The following NCOA2 variants were observed in gnomAD, a reference collection of about 807,000 sequenced individuals.
The protein encoded by NCOA2 is class E basic helix-loop-helix protein 75.
A neutral mutation model predicts 145.1 loss-of-function variants in NCOA2; 21 were observed. That is an observed-to-expected ratio of 0.14 (90% confidence interval 0.10 to 0.21). The LOEUF (loss-of-function observed/expected upper bound fraction) is 0.21, where lower values mean the gene tolerates loss of function less well. Ranked by LOEUF, NCOA2 falls within the 10% of genes least tolerant of loss-of-function variation. NCOA2 has a pLI of 1.00. For missense variants in NCOA2, 1,472 were observed against 1,837.6 expected (o/e 0.80, Z 3.64); for synonymous variants, 619 against 637.5 (o/e 0.97, Z 0.44).
chr8:70,368,683 A>G (rs958458689), intron 1 of NCOA2, among the ~76,000 whole-genome samples: 3 of 152,212 alleles, frequency 2.0e-5, no homozygotes, highest in African/African-American at 7.2e-5. Context: ...GTATTTATAT[A>G]AAAATTCACT....
At chr8:70,427,141 G>A in the NCOA2 span, among the ~76,000 whole-genome samples, 5 of 151,994 alleles carry the variant, frequency 3.3e-5, no homozygotes, top group East Asian at 9.6e-4. Flanking sequence ...TATTCAGTAT[G>A]TATTATATTC....
chr8:70,380,295 C>T (rs1040965919), intron 1 of NCOA2, among the ~76,000 whole-genome samples: 2 of 152,078 alleles, frequency 1.3e-5, no homozygotes, highest in African/African-American at 4.8e-5. Context: ...AAGATGAGAT[C>T]CTACTAGGTT....
At chr8:70,348,737 C>T (rs1586563877) in intron 1 of NCOA2, among the ~76,000 whole-genome samples, 1 of 152,148 alleles carries the variant, frequency 6.6e-6, no homozygotes, top group East Asian at 1.9e-4. Flanking sequence ...TAATAGAAAC[C>T]AGGAAATTTG....
chr8:70,132,130 C>T, intron 15 of NCOA2, 128 bp from the exon 16 acceptor site: 1 of 876,614 alleles, frequency 1.1e-6, no homozygotes, highest in Non-Finnish European at 1.7e-6. Context: ...TGTACCAACT[C>T]AACACAGAAC....
chr8:70,254,082 A>G (rs1450127006), intron 2 of NCOA2, among the ~76,000 whole-genome samples: 1 of 152,190 alleles, frequency 6.6e-6, no homozygotes, highest in African/African-American at 2.4e-5. Flanking sequence ...CTGGCAAAGG[A>G]CTTGAATACA....
At chr8:70,281,330 T>G (rs1441660250) in intron 2 of NCOA2, among the ~76,000 whole-genome samples, 2 of 119,958 alleles carry the variant, frequency 1.7e-5, no homozygotes, top group African/African-American at 6.6e-5. Flanking sequence ...TATTCCAGCC[T>G]GGGTGACAGA....
chr8:70,376,472 T>C (rs1000603540), intron 1 of NCOA2, among the ~76,000 whole-genome samples: 3 of 152,156 alleles, frequency 2.0e-5, no homozygotes, highest in Non-Finnish European at 2.9e-5. Context: ...TTCTCTAGTT[T>C]TGTTTTGTTT....
At position 70,294,107 on chromosome 8, in the gene NCOA2, G is replaced by A. The variant is rs535893742; in HGVS notation, c.-20+2637C>T. ...ATTTTTACATAGTATGTCCTACTCA[G>A]CTTTGAAAATAAACTAAGTAAGAGA... is the stretch of plus-strand genomic sequence containing the variant. On this transcript the variant is annotated intron_variant, in intron 2 of 22. Coordinates refer to ENST00000452400, the MANE Select transcript of NCOA2 (RefSeq NM_006540.4). 1.8e-4 allele frequency among the ~76,000 whole-genome samples: 27 copies of A among 152,146 alleles called. 1 individual carries two copies. Among genetic ancestry groups the A allele is most frequent in the Non-Finnish European group, 3.5e-4 (24 of 67,978 alleles).
At chr8:70,172,205 A>G (rs529740005) in intron 5 of NCOA2, among the ~76,000 whole-genome samples, 76 of 152,216 alleles carry the variant, frequency 5.0e-4, no homozygotes, top group African/African-American at 1.7e-3. Flanking sequence ...TGATCCTCCC[A>G]CCACTCTGTA....
chr8:70,194,751 G>C (rs1311709486), intron 4 of NCOA2, among the ~76,000 whole-genome samples: 1 of 149,978 alleles, frequency 6.7e-6, no homozygotes, highest in African/African-American at 2.5e-5. Context: ...TCTGAAATAG[G>C]GATCTGCAAA....
chr8:70,416,074 C>T, the NCOA2 span, among the ~76,000 whole-genome samples: 15 of 152,054 alleles, frequency 9.9e-5, no homozygotes, highest in Non-Finnish European at 2.1e-4. Context: ...ACTTGAAAGT[C>T]CAAACTTTGC....
chr8:70,160,690 A>AGAGG (rs1252844192), intron 9 of NCOA2, among the ~76,000 whole-genome samples: 1 of 148,444 alleles, frequency 6.7e-6, no homozygotes, highest in East Asian at 1.9e-4. Flanking sequence ...AGGGAGAGAG[A>AGAGG]GAGAGAGAGA....
the NCOA2 span, among the ~76,000 whole-genome samples, chr8:70,449,298 C>T: frequency 6.6e-6 from 1 of 152,194 alleles, no homozygotes; most frequent in Non-Finnish European, 1.5e-5. Flanking sequence ...TCCACAAATA[C>T]TTGTTAAGCA....
rs1257917126 is a variant in NCOA2, at chr8:70,403,769, C to G, written c.-146G>C. The G allele has an allele frequency of 3.0e-5, 12 of 397,838 alleles. No individual in the cohort carries two copies. The highest frequency in any genetic ancestry group is 5.3e-5 in the Non-Finnish European group (12 of 225,630). The allele number at this position is 397,838 out of a possible 1,614,324, so 24.6% of individuals were successfully genotyped here. A position where few individuals can be genotyped will look rare whatever the true frequency, so the allele number is the denominator to read the frequency against. ...CTGACCTTCGCCGCCGAAGCTGTAG[C>G]CGAGGCTGCGGCCGCCATGTTCCCG... On this transcript the variant is annotated 5_prime_UTR_variant, in exon 1 of 23. Coordinates refer to ENST00000452400, the MANE Select transcript of NCOA2 (RefSeq NM_006540.4).
At chr8:70,331,287 TA>T (rs1304723657) in intron 1 of NCOA2, among the ~76,000 whole-genome samples, 2 of 152,050 alleles carry the variant, frequency 1.3e-5, no homozygotes, top group African/African-American at 4.8e-5. Flanking sequence ...AACAACACAA[TA>T]GAGTATAGCA....
chr8:70,428,205 G>C, the NCOA2 span, among the ~76,000 whole-genome samples: 3 of 151,782 alleles, frequency 2.0e-5, no homozygotes, highest in Non-Finnish European at 4.4e-5. Context: ...TATAATCCCA[G>C]TGCTTTGAGA....
At chr8:70,341,363 G>A (rs1289525634) in intron 1 of NCOA2, among the ~76,000 whole-genome samples, 1 of 152,148 alleles carries the variant, frequency 6.6e-6, no homozygotes, top group Admixed American at 6.5e-5. Flanking sequence ...CTCCAGCCCA[G>A]GTGACAGAGC....
chr8:70,447,648 C>G, the NCOA2 span, among the ~76,000 whole-genome samples: 2 of 149,158 alleles, frequency 1.3e-5, no homozygotes, highest in Non-Finnish European at 3.0e-5. Context: ...TCCACACTAG[C>G]TGAAATGGCC....
intron 13 of NCOA2, among the ~76,000 whole-genome samples, chr8:70,142,813 T>G (rs1810597797): frequency 6.6e-6 from 1 of 152,208 alleles, no homozygotes. Flanking sequence ...GGGATTTTAT[T>G]TTTTTAAAAA....
Sources: gnomAD v4.1 joint callset for allele counts (sites outside exome capture counted in the v4.1 genomes callset) on GRCh38, gnomAD v4.1.1 for gene constraint, MANE v1.5 for transcripts, NCBI Gene and HGNC (gene_info 2026-07-23, HGNC 2026-07-21) for gene names.